Variants in SWT1 observed in about 807,000 individuals in gnomAD.
SWT1 encodes the protein SWT1 RNA endoribonuclease homolog, also known as transcriptional protein SWT1.
A neutral mutation model predicts 107.3 loss-of-function variants in SWT1; 33 were observed. The ratio of observed to expected loss-of-function variants is 0.31; its 90% CI spans 0.23 to 0.41. The LOEUF is 0.41. Among genes scored for constraint, SWT1 ranks in the 10% least tolerant of loss-of-function variants. The pLI, the probability that SWT1 is intolerant of heterozygous loss-of-function variation, is 1.00. For synonymous variants in SWT1, 345 were observed against 348.3 expected (o/e 0.99, Z 0.11); for missense variants, 898 against 1,028.9 (o/e 0.87, Z 1.74).
rs146176253 is a variant in SWT1 at position 185,158,404 on chromosome 1, T to C, written c.-10+1090T>C. 2.6e-5 allele frequency among the ~76,000 whole-genome samples: 4 copies of C among 151,956 alleles called. No homozygotes were observed. The East Asian group carries it at 7.7e-4, about 29-fold the overall frequency. On this transcript the variant is annotated intron_variant, in intron 1 of 18. Transcript: ENST00000367500. The stretch of plus-strand genomic sequence containing the variant: ...TTATCTAGTATTCCTGAATGTGTAG[T>C]TGACTCATGGCTCAACAGTCAATTA...
At chr1:185,173,205 C>T (rs1044619625) in intron 4 of SWT1, among the ~76,000 whole-genome samples, 1 of 151,984 alleles carries the variant, frequency 6.6e-6, no homozygotes. Context: ...TTTTGGTGAG[C>T]TTTTTATCTA....
At chr1:185,173,011 T>C (rs573325032) in intron 4 of SWT1, among the ~76,000 whole-genome samples, 2 of 127,668 alleles carry the variant, frequency 1.6e-5, no homozygotes, top group African/African-American at 6.2e-5. Context: ...ACCACTGCAG[T>C]CCAGCCTGGC....
chr1:185,160,699 C>T, intron 1 of SWT1, 134 bp from the exon 2 acceptor site: 2 of 638,174 alleles, frequency 3.1e-6, no homozygotes, highest in South Asian at 4.4e-5. Flanking sequence ...GAGACTCCAT[C>T]TCAAAAAAAA....
intron 3 of SWT1, among the ~76,000 whole-genome samples, chr1:185,167,411 A>G (rs1019725957): frequency 6.6e-6 from 1 of 152,250 alleles, no homozygotes; most frequent in Non-Finnish European, 1.5e-5. Flanking sequence ...ATTCAGGTTG[A>G]AGTTATGTAC....
chr1:185,262,881 A>C (rs1361188031), intron 16 of SWT1, among the ~76,000 whole-genome samples: 1 of 148,850 alleles, frequency 6.7e-6, no homozygotes, highest in East Asian at 2.0e-4. Context: ...CAACCTCCCC[A>C]AGCTCAGGTG....
At chr1:185,282,992 C>T (rs1219889446) in intron 18 of SWT1, among the ~76,000 whole-genome samples, 3 of 152,020 alleles carry the variant, frequency 2.0e-5, no homozygotes, top group Non-Finnish European at 2.9e-5. Flanking sequence ...CTTATATTTA[C>T]CCATTTATTA....
At chr1:185,253,902 A>G (rs1345724061) in intron 16 of SWT1, among the ~76,000 whole-genome samples, 2 of 151,230 alleles carry the variant, frequency 1.3e-5, no homozygotes, top group African/African-American at 4.9e-5. Context: ...TCAGTATGAT[A>G]TTGGCTGTGG....
chr1:185,277,289 T>A (rs558270561), intron 18 of SWT1, among the ~76,000 whole-genome samples: 224 of 152,220 alleles, frequency 1.5e-3, no homozygotes, highest in African/African-American at 5.0e-3. Flanking sequence ...TGTTTTTTTT[T>A]ATTTTTTCTT....
intron 14 of SWT1, among the ~76,000 whole-genome samples, chr1:185,216,319 A>C (rs1659212398): frequency 6.6e-6 from 1 of 152,174 alleles, no homozygotes; most frequent in African/African-American, 2.4e-5. Context: ...TTAGAGGGTT[A>C]TAGCATGAGT....
At chr1:185,240,078 G>A (rs1298035146) in intron 16 of SWT1, among the ~76,000 whole-genome samples, 1 of 152,058 alleles carries the variant, frequency 6.6e-6, no homozygotes, top group African/African-American at 2.4e-5. Flanking sequence ...AACAATACAA[G>A]TGTTGTAGAT....
intron 16 of SWT1, among the ~76,000 whole-genome samples, chr1:185,236,694 G>A (rs1660904424): frequency 6.6e-6 from 1 of 152,126 alleles, no homozygotes; most frequent in Non-Finnish European, 1.5e-5. Context: ...CAAAGCAATG[G>A]CAACAAAAGC....
At chr1:185,209,571 T>C (rs1047983716) in intron 13 of SWT1, among the ~76,000 whole-genome samples, 1 of 152,216 alleles carries the variant, frequency 6.6e-6, no homozygotes, top group Non-Finnish European at 1.5e-5. Context: ...TTTTTATGGC[T>C]GCATAGTATT....
chr1:185,177,127 AGAATTGAGTTT>A (rs1435798137), intron 5 of SWT1: 2 of 773,938 alleles, frequency 2.6e-6, no homozygotes, highest in African/African-American at 3.8e-5. Flanking sequence ...AAAGAGGGCA[AGAATTGAGTTT>A]GAATTGAGTT....
At chr1:185,184,599 TTATAA>T in intron 8 of SWT1, 139 bp from the exon 9 acceptor site, 1 of 598,926 alleles carries the variant, frequency 1.7e-6, no homozygotes, top group Non-Finnish European at 2.8e-6. Context: ...AATTTCCATT[TTATAA>T]TATATTGTCT....
intron 16 of SWT1, among the ~76,000 whole-genome samples, chr1:185,268,853 C>CT (rs71101966): frequency 0.23 from 31,539 of 134,524 alleles, 4,193 homozygotes; most frequent in South Asian, 0.3. Context: ...TTCTTTTTCT[C>CT]TTTTTTTTTT....
At chr1:185,269,176 C>T (rs1241370685) in intron 16 of SWT1, among the ~76,000 whole-genome samples, 1 of 152,128 alleles carries the variant, frequency 6.6e-6, no homozygotes, top group African/African-American at 2.4e-5. Flanking sequence ...CACTTGGTTA[C>T]CAAGTTAGAA....
At chr1:185,186,018 T>C (rs938700541) in intron 9 of SWT1, among the ~76,000 whole-genome samples, 4 of 152,164 alleles carry the variant, frequency 2.6e-5, no homozygotes, top group African/African-American at 9.7e-5. Flanking sequence ...ATTTGAAATA[T>C]GATCAACCTG....
intron 5 of SWT1, among the ~76,000 whole-genome samples, chr1:185,179,545 C>T (rs1336791959): frequency 2.0e-5 from 3 of 152,074 alleles, no homozygotes; most frequent in African/African-American, 4.8e-5. Context: ...ATAATATAAC[C>T]GTGCATTGTT....
intron 16 of SWT1, among the ~76,000 whole-genome samples, chr1:185,256,687 T>A (rs1472986571): frequency 8.7e-5 from 13 of 148,584 alleles, no homozygotes; most frequent in African/African-American, 1.3e-4. Context: ...TTCTTTTAAA[T>A]TTTTTTCAAA....
Sources: allele counts gnomAD v4.1 joint callset (sites outside exome capture counted in the v4.1 genomes callset), GRCh38; gene constraint gnomAD v4.1.1; transcripts MANE v1.5; gene names NCBI Gene and HGNC (gene_info 2026-07-23, HGNC 2026-07-21).